CDH13: variants seen among roughly 807,000 people sequenced by gnomAD.
CDH13 encodes the protein cadherin-13.
A neutral mutation model predicts 63.8 loss-of-function variants in CDH13; 24 were observed. That is an observed-to-expected ratio of 0.38 (90% CI 0.27 to 0.53). The LOEUF (loss-of-function observed/expected upper bound fraction) is 0.53, where lower values mean the gene tolerates loss of function less well. Among genes scored for constraint, CDH13 ranks in the 20% least tolerant of loss-of-function variants. CDH13 has a pLI of 0.85. For synonymous variants in CDH13, 503 were observed against 355.3 expected (o/e 1.42, Z -4.67); for missense variants, 1,049 against 903.1 (o/e 1.16, Z -2.07).
intron 1 of CDH13, among the ~76,000 whole-genome samples, chr16:82,783,822 C>CT (rs887401219): frequency 4.6e-4 from 62 of 136,002 alleles, no homozygotes; most frequent in African/African-American, 1.4e-3. Flanking sequence ...AGGCTTCTGA[C>CT]AAGGGAATAC....
At chr16:83,152,047 C>CA (rs2037006112) in intron 4 of CDH13, among the ~76,000 whole-genome samples, 1 of 151,926 alleles carries the variant, frequency 6.6e-6, no homozygotes, top group African/African-American at 2.4e-5. Flanking sequence ...AGTCTATAAC[C>CA]ATTGACTTTT....
chr16:83,572,349 C>T (rs1307972471), intron 7 of CDH13, among the ~76,000 whole-genome samples: 1 of 152,088 alleles, frequency 6.6e-6, no homozygotes, highest in Non-Finnish European at 1.5e-5. Flanking sequence ...TCATGTTGGT[C>T]AGGCTGGTCT....
chr16:83,295,097 T>C (rs1298942072), intron 5 of CDH13, among the ~76,000 whole-genome samples: 2 of 152,064 alleles, frequency 1.3e-5, no homozygotes, highest in South Asian at 2.1e-4. Context: ...GCCAACTAAT[T>C]TCCAGCATAG....
chr16:83,773,868 C>A (rs1466138216), intron 11 of CDH13, among the ~76,000 whole-genome samples: 2 of 152,182 alleles, frequency 1.3e-5, no homozygotes, highest in African/African-American at 4.8e-5. Flanking sequence ...ACCACTACCC[C>A]ACAGAGGCCC....
At chr16:83,562,688 T>TTACCCACATGGAGGGTA (rs2075730099) in intron 7 of CDH13, among the ~76,000 whole-genome samples, 1 of 152,230 alleles carries the variant, frequency 6.6e-6, no homozygotes, top group Non-Finnish European at 1.5e-5. Context: ...TTGATGTCTG[T>TTACCCACATGGAGGGTA]TACCCACATG....
intron 5 of CDH13, among the ~76,000 whole-genome samples, chr16:83,259,901 ATTC>A (rs1906755227): frequency 6.6e-6 from 1 of 152,160 alleles, no homozygotes; most frequent in Non-Finnish European, 1.5e-5. Context: ...CATGGGAGAA[ATTC>A]AGATTGCTCA....
At position 82,791,932 on chromosome 16, in the gene CDH13, G is replaced by A. The variant is rs181717775; in HGVS notation, c.46-66430G>A. 8.7e-3 allele frequency among the ~76,000 whole-genome samples: 1,332 copies of A among 152,238 alleles called. 13 individuals are homozygous for A. Among genetic ancestry groups the A allele is most frequent in the Middle Eastern group, 0.01 (3 of 294 alleles). ...AAAGGCTTGCTGCCATCTTGGGAGC[G>A]GCCCGCCCCATCTTGGGAGCTCTAA... On this transcript the variant is annotated intron_variant, in intron 1 of 13. Coordinates refer to ENST00000567109, the MANE Select transcript of CDH13 (RefSeq NM_001257.5).
intron 5 of CDH13, among the ~76,000 whole-genome samples, chr16:83,239,892 A>C (rs1361231928): frequency 2.0e-5 from 3 of 152,138 alleles, no homozygotes; most frequent in African/African-American, 7.2e-5. Context: ...GAGGAGGTGC[A>C]TGATATTGTA....
chr16:82,831,530 T>C (rs1219040824), intron 1 of CDH13, among the ~76,000 whole-genome samples: 3 of 152,088 alleles, frequency 2.0e-5, no homozygotes, highest in African/African-American at 7.2e-5. Flanking sequence ...ACTCCAACAA[T>C]GACACAAAGA....
intron 3 of CDH13, among the ~76,000 whole-genome samples, chr16:83,114,255 T>G (rs2035196461): frequency 6.6e-6 from 1 of 152,198 alleles, no homozygotes; most frequent in African/African-American, 2.4e-5. Context: ...CCCCAACGCC[T>G]CTGATGTGTG....
At chr16:83,492,313 A>C (rs1700932341) in intron 7 of CDH13, among the ~76,000 whole-genome samples, 1 of 152,182 alleles carries the variant, frequency 6.6e-6, no homozygotes, top group Non-Finnish European at 1.5e-5. Flanking sequence ...TAATGCTAAT[A>C]CTTTTCTCAT....
At chr16:83,388,503 A>T (rs1409299015) in intron 6 of CDH13, among the ~76,000 whole-genome samples, 2 of 152,036 alleles carry the variant, frequency 1.3e-5, no homozygotes, top group African/African-American at 2.4e-5. Flanking sequence ...ATGATATTGG[A>T]CAAGTGTTTG....
At chr16:82,786,086 G>T (rs189067776) in intron 1 of CDH13, among the ~76,000 whole-genome samples, 1 of 152,198 alleles carries the variant, frequency 6.6e-6, no homozygotes, top group East Asian at 1.9e-4. Flanking sequence ...ATCTGAATGA[G>T]TTAGGGTGAG....
intron 2 of CDH13, among the ~76,000 whole-genome samples, chr16:82,964,902 A>T (rs1466126525): frequency 1.3e-5 from 2 of 152,100 alleles, no homozygotes; most frequent in Non-Finnish European, 2.9e-5. Flanking sequence ...TTAGCCGAGG[A>T]TATAGGGGAA....
intron 2 of CDH13, among the ~76,000 whole-genome samples, chr16:82,995,315 C>G (rs1315764825): frequency 6.6e-6 from 1 of 152,224 alleles, no homozygotes; most frequent in African/African-American, 2.4e-5. Context: ...CTCCAGCCAC[C>G]TTGCATCTAG....
intron 5 of CDH13, among the ~76,000 whole-genome samples, chr16:83,239,994 T>C (rs1904307642): frequency 6.6e-6 from 1 of 152,090 alleles, no homozygotes; most frequent in East Asian, 1.9e-4. Context: ...TATACAAATA[T>C]CTGTAAAGAG....
chr16:83,348,562 A>G (rs1320185570), intron 6 of CDH13, among the ~76,000 whole-genome samples: 1 of 152,196 alleles, frequency 6.6e-6, no homozygotes, highest in African/African-American at 2.4e-5. Flanking sequence ...TGCTGTCACC[A>G]TGTTGAAATT....
At chr16:83,605,519 C>G (rs1908246378) in intron 8 of CDH13, among the ~76,000 whole-genome samples, 1 of 152,160 alleles carries the variant, frequency 6.6e-6, no homozygotes, top group Admixed American at 6.5e-5. Flanking sequence ...ACATCCCAGT[C>G]TCTTCACCTG....
At position 83,690,909 on chromosome 16, in the gene CDH13, A is replaced by G. The variant is rs143065124; in HGVS notation, c.1538+12448A>G. On this transcript the variant is annotated intron_variant, in intron 10 of 13. Transcript: ENST00000567109. ...GCTAATTTTTGTATTTTTAATAAAG[A>G]TGGGGCTTCACCATGTTGTCCAGGC... Among the ~76,000 whole-genome samples, 197 of 152,124 alleles carry G rather than the reference A, an allele frequency of 1.3e-3. 2 individuals are homozygous for G. The East Asian group carries it at 0.032, about 24-fold the overall frequency.
Sources: gnomAD v4.1 joint callset for allele counts (sites outside exome capture counted in the v4.1 genomes callset) on GRCh38, gnomAD v4.1.1 for gene constraint, MANE v1.5 for transcripts, NCBI Gene and HGNC (gene_info 2026-07-23, HGNC 2026-07-21) for gene names.